The following ARID1B variants were observed in gnomAD, a reference collection of about 807,000 sequenced individuals.
The protein encoded by ARID1B is AT-rich interaction domain 1B, also known as AT-rich interactive domain-containing protein 1B.
A neutral mutation model predicts 212.3 loss-of-function variants in ARID1B; 30 were observed. That is an observed-to-expected ratio of 0.14 (90% confidence interval 0.11 to 0.19). The LOEUF is 0.19. Among genes scored for constraint, ARID1B ranks in the 10% least tolerant of loss-of-function variants. The pLI, the probability that ARID1B is intolerant of heterozygous loss-of-function variation, is 1.00. For synonymous variants in ARID1B, 1,402 were observed against 1,301.7 expected (o/e 1.08, Z -1.66); for missense variants, 2,891 against 3,204.0 (o/e 0.90, Z 2.36).
intron 3 of ARID1B, among the ~76,000 whole-genome samples, chr6:156,929,654 A>G (rs867131147): frequency 3.3e-5 from 5 of 152,220 alleles, no homozygotes; most frequent in Non-Finnish European, 7.3e-5. Context: ...TAGCATATCT[A>G]TACTTGATGT....
intron 3 of ARID1B, 165 bp downstream of exon 3, chr6:156,901,690 G>A (rs927376486): frequency 8.9e-6 from 8 of 898,900 alleles, no homozygotes; most frequent in South Asian, 3.6e-5. Context: ...CTCTCCCTCC[G>A]TCTTTTCCCC....
intron 2 of ARID1B, among the ~76,000 whole-genome samples, chr6:156,844,463 A>G (rs1266126971): frequency 2.6e-5 from 4 of 152,244 alleles, no homozygotes; most frequent in Non-Finnish European, 2.9e-5. Context: ...AGAGTGCATC[A>G]TGCAATTATA....
At chr6:157,085,020 G>T in intron 5 of ARID1B, 115 bp downstream of exon 5, 3 of 1,330,860 alleles carry the variant, frequency 2.3e-6, no homozygotes, top group Non-Finnish European at 3.0e-6. Flanking sequence ...CATATTAAGA[G>T]TATAACTGAA....
intron 4 of ARID1B, among the ~76,000 whole-genome samples, chr6:156,964,883 G>C (rs1794637212): frequency 6.6e-6 from 1 of 152,152 alleles, no homozygotes; most frequent in African/African-American, 2.4e-5. Flanking sequence ...AACAGTCCAA[G>C]TATCAATGTA....
At chr6:157,121,778 C>T (rs1054859494) in intron 6 of ARID1B, among the ~76,000 whole-genome samples, 12 of 151,982 alleles carry the variant, frequency 7.9e-5, no homozygotes, top group African/African-American at 2.9e-4. Context: ...ACTATAGGCA[C>T]ATGTCACCAC....
At chr6:157,007,218 G>T (rs1379666581) in intron 4 of ARID1B, among the ~76,000 whole-genome samples, 1 of 152,200 alleles carries the variant, frequency 6.6e-6, no homozygotes, top group African/African-American at 2.4e-5. Flanking sequence ...TGAGACTAAA[G>T]ATAATTGTTA....
chr6:156,954,374 C>T (rs938680322), intron 4 of ARID1B, among the ~76,000 whole-genome samples: 8 of 152,058 alleles, frequency 5.3e-5, no homozygotes, highest in Non-Finnish European at 1.0e-4. Flanking sequence ...GTTGATGTAA[C>T]TTTCGAAGCA....
chr6:156,933,058 G>A (rs903540288), intron 3 of ARID1B, among the ~76,000 whole-genome samples: 1 of 152,166 alleles, frequency 6.6e-6, no homozygotes, highest in Non-Finnish European at 1.5e-5. Context: ...GTTAGTCTGT[G>A]TTGCTTATTT....
At chr6:157,173,549 A>G (rs1791868594) in intron 9 of ARID1B, 1 of 152,664 alleles carries the variant, frequency 6.6e-6, no homozygotes. Flanking sequence ...AACACTGTGA[A>G]ATGTCAAATA....
chr6:157,116,945 T>C (rs997122217), intron 6 of ARID1B, among the ~76,000 whole-genome samples: 1 of 152,204 alleles, frequency 6.6e-6, no homozygotes, highest in Non-Finnish European at 1.5e-5. Context: ...TCTATAGTTC[T>C]ATAGAGAAAA....
intron 15 of ARID1B, among the ~76,000 whole-genome samples, chr6:157,192,173 CT>C (rs1239639459): frequency 6.6e-6 from 1 of 151,946 alleles, no homozygotes; most frequent in African/African-American, 2.4e-5. Flanking sequence ...AGCTGTTTTT[CT>C]TAGTGGTATG....
intron 1 of ARID1B, 172 bp downstream of exon 1, chr6:156,779,643 C>T (rs1224008557): frequency 1.8e-6 from 1 of 547,744 alleles, no homozygotes; most frequent in Non-Finnish European, 2.4e-6. Context: ...CGGGGCGCCC[C>T]GGGGGCCGGC....
At chr6:157,045,905 G>A (rs1782206495) in intron 4 of ARID1B, among the ~76,000 whole-genome samples, 1 of 152,094 alleles carries the variant, frequency 6.6e-6, no homozygotes, top group Admixed American at 6.5e-5. Context: ...GATTCAAGGG[G>A]GTGTGGGGAG....
intron 2 of ARID1B, among the ~76,000 whole-genome samples, chr6:156,897,120 G>A (rs755110196): frequency 6.6e-6 from 1 of 151,970 alleles, no homozygotes; most frequent in East Asian, 1.9e-4. Context: ...TTTTGTTGTT[G>A]TGTGTGTTCA....
intron 4 of ARID1B, among the ~76,000 whole-genome samples, chr6:157,001,492 C>T (rs1778910861): frequency 2.0e-5 from 3 of 152,142 alleles, no homozygotes; most frequent in Admixed American, 6.5e-5. Flanking sequence ...GGAGAGGAGC[C>T]TGAGACCAAC....
intron 4 of ARID1B, among the ~76,000 whole-genome samples, chr6:156,978,054 G>A (rs890305567): frequency 6.6e-6 from 1 of 152,156 alleles, no homozygotes; most frequent in Non-Finnish European, 1.5e-5. Flanking sequence ...CCATCCTCAC[G>A]TGGTTTCTTC....
intron 3 of ARID1B, 74 bp downstream of exon 3, chr6:156,901,599 G>C: frequency 1.3e-6 from 2 of 1,488,832 alleles, no homozygotes; most frequent in Non-Finnish European, 1.8e-6. Flanking sequence ...TCATCTTCCT[G>C]TCCTTTATTA....
At chr6:156,792,710 G>T (rs1487372715) in intron 1 of ARID1B, among the ~76,000 whole-genome samples, 1 of 152,158 alleles carries the variant, frequency 6.6e-6, no homozygotes. Flanking sequence ...ATTTATGAGT[G>T]CTTTTGTATA....
intron 4 of ARID1B, among the ~76,000 whole-genome samples, chr6:157,070,629 A>G (rs1783953591): frequency 6.6e-6 from 1 of 152,194 alleles, no homozygotes; most frequent in South Asian, 2.1e-4. Flanking sequence ...TCAGGTATGA[A>G]GTTCTGGAGC....
Sources: allele counts gnomAD v4.1 joint callset (sites outside exome capture counted in the v4.1 genomes callset), GRCh38; gene constraint gnomAD v4.1.1; transcripts MANE v1.5; gene names NCBI Gene and HGNC (gene_info 2026-07-23, HGNC 2026-07-21).